SMG5: variants seen among roughly 807,000 people sequenced by gnomAD.
SMG5 encodes nonsense-mediated mRNA decay factor SMG5.
A neutral mutation model predicts 122.9 loss-of-function variants in SMG5; 53 were observed. The observed-to-expected ratio is 0.43, with a 90% CI of 0.35 to 0.54. SMG5 has a LOEUF of 0.54. Ranked by LOEUF, SMG5 falls within the 20% of genes least tolerant of loss-of-function variation. The pLI, the probability that SMG5 is intolerant of heterozygous loss-of-function variation, is 0.01. For missense variants in SMG5, 1,153 were observed against 1,285.6 expected, an observed-to-expected ratio of 0.90 and a Z score of 1.58; for synonymous variants, 477 against 490.2, an observed-to-expected ratio of 0.97 and a Z score of 0.35.
Position 156,273,723 on chromosome 1 carries a change from T to TC in SMG5, c.545-274_545-273insG, listed in dbSNP as rs1228730236. ...TTCTTTTTTTGTTTTGTTTTCTTTT[T>TC]TTTTTTTTTTTTTTTTAGAGACGGG... On this transcript the variant is annotated intron_variant, in intron 5 of 21. Transcript: ENST00000361813. 5.4e-5 allele frequency among the ~76,000 whole-genome samples: 8 copies of TC among 147,004 alleles called. No homozygotes were observed. The East Asian group carries it at 7.8e-4, about 14-fold the overall frequency.
chr1:156,285,151 G>T, upstream of SMG5: 1 of 1,492,056 alleles, frequency 6.7e-7, no homozygotes, highest in Non-Finnish European at 8.9e-7. Flanking sequence ...GAAGACAGGG[G>T]TTTCTGACAG....
chr1:156,260,993 GACAA>G (rs932184106), intron 14 of SMG5, among the ~76,000 whole-genome samples: 1 of 152,218 alleles, frequency 6.6e-6, no homozygotes, highest in Non-Finnish European at 1.5e-5. Flanking sequence ...AGATGAGCCA[GACAA>G]ACAAACTTGG....
rs558403356 is a variant in SMG5 at position 156,251,330 on chromosome 1, T to C, written c.2828+73A>G. The C allele has an allele frequency of 4.4e-5, 68 of 1,539,854 alleles. No homozygotes were observed. In the East Asian group the frequency reaches 1.4e-3, roughly 32 times the overall value. ...CCTCAGAATTATCCAGCCCTACCCG[T>C]TCTCCCTAGGAATGCTCGTGGAGGA... On this transcript the variant is annotated intron_variant, in intron 20 of 21. Coordinates refer to ENST00000361813, the MANE Select transcript of SMG5 (RefSeq NM_015327.3).
the SMG5 span, chr1:156,291,012 C>G: frequency 1.3e-5 from 3 of 229,444 alleles, no homozygotes; most frequent in South Asian, 2.4e-4. Context: ...TGGTGGCCCG[C>G]ATCTGTAATC....
intron 16 of SMG5, among the ~76,000 whole-genome samples, chr1:156,256,760 C>G (rs1277981595): frequency 6.6e-6 from 1 of 152,114 alleles, no homozygotes; most frequent in Non-Finnish European, 1.5e-5. Context: ...CCCCGCAACT[C>G]CTAGTGCCCA....
At position 156,268,313 on chromosome 1, in the gene SMG5, C is replaced by G. The variant is rs778032740; in HGVS notation, c.816G>C (p.Arg272=). The G allele has an allele frequency of 6.2e-7, 1 of 1,614,068 alleles. No individual in the cohort carries two copies. Among genetic ancestry groups the G allele is most frequent in the Non-Finnish European group, 8.5e-7 (1 of 1,180,042 alleles). The change falls in exon 8 of 22, where the codon CGG becomes CGC. Residue 272 remains arginine (R), a synonymous_variant. Transcript: ENST00000361813. ...ACCGCTTTTTGCCAGGAGACAGTTTCCGAGTCTCACACTTCTTCAGTTGGT... is the reference window on the plus strand; with the variant it reads ...ACCGCTTTTTGCCAGGAGACAGTTTGCGAGTCTCACACTTCTTCAGTTGGT... ...MYHQLKKCET[R]KLSPGKKRCK...
intron 13 of SMG5, 55 bp from the exon 14 acceptor site, chr1:156,261,463 G>A: frequency 6.8e-7 from 1 of 1,477,966 alleles, no homozygotes; most frequent in Non-Finnish European, 9.5e-7. Flanking sequence ...GTGGAGAACA[G>A]CAGTGAGCAA....
rs1278015874 is a variant in SMG5, at chr1:156,252,953, G to A, written c.2628C>T (p.Thr876=). 2 of 1,612,426 alleles carry A rather than the reference G, an allele frequency of 1.2e-6. No homozygotes were observed. The highest frequency in any genetic ancestry group is 1.7e-6 in the Non-Finnish European group (2 of 1,179,322). Residue 876 remains threonine (T), a synonymous_variant, in exon 18 of 22, where the codon ACC becomes ACT. Transcript: ENST00000361813. ...GGATGATGACAATGAAGCGGCCACTGGTGGCCAGTTGGCGGATGACAGGGA... is the reference window on the plus strand; with the variant it reads ...GGATGATGACAATGAAGCGGCCACTAGTGGCCAGTTGGCGGATGACAGGGA... The part of the protein sequence containing the change: ...HHLPVIRQLA[T]SGRFIVIIPR...
chr1:156,282,669 G>C lies in SMG5; in HGVS notation c.12C>G (p.Gly4=), dbSNP rs770659617. 3.1e-6 allele frequency: 5 copies of C among 1,604,938 alleles called. No homozygotes were observed. In the East Asian group the frequency reaches 6.7e-5, roughly 21 times the overall value. Residue 4 remains glycine, a synonymous_variant, in exon 1 of 22, where the codon GGC becomes GGG. Coordinates refer to ENST00000361813, the MANE Select transcript of SMG5 (RefSeq NM_015327.3). MSQ[G]PPTGESSEPE... ...GCTCGCTGCTCTCCCCTGTGGGGGGGCCTTGGCTCATGGTGCCCGGGTCCG... is the reference window on the plus strand; with the variant it reads ...GCTCGCTGCTCTCCCCTGTGGGGGGCCCTTGGCTCATGGTGCCCGGGTCCG...
At chr1:156,273,475 A>C in intron 5 of SMG5, 25 bp from the exon 6 acceptor site, 1 of 1,607,238 alleles carries the variant, frequency 6.2e-7, no homozygotes, top group South Asian at 1.1e-5. Flanking sequence ...AAACGAAGGG[A>C]AACTCGATGA....
At chr1:156,252,274 C>T in intron 19 of SMG5, 140 bp downstream of exon 19, 2 of 695,380 alleles carry the variant, frequency 2.9e-6, no homozygotes, top group South Asian at 1.8e-5. Flanking sequence ...TATCACTCCC[C>T]AGGCAGTGAG....
chr1:156,278,538 T>A lies in SMG5; in HGVS notation c.173+398A>T, dbSNP rs1000549210. On this transcript the variant is annotated intron_variant, in intron 2 of 21. Coordinates refer to ENST00000361813, the MANE Select transcript of SMG5 (RefSeq NM_015327.3). ...GCAGCACCATACTCAACTGATTTTT[T>A]AATTTTTTTGTGGAGACTGGGTCTT... Among the ~76,000 whole-genome samples the A allele has an allele frequency of 9.2e-5, 14 of 152,092 alleles. 1 individual carries two copies. Among genetic ancestry groups the A allele is most frequent in the African/African-American group, 3.1e-4 (13 of 41,408 alleles).
intron 2 of SMG5, 69 bp downstream of exon 2, chr1:156,278,867 C>A (rs1350895047): frequency 7.6e-7 from 1 of 1,315,326 alleles, no homozygotes; most frequent in African/African-American, 1.4e-5. Flanking sequence ...GTTTATATAT[C>A]TGAGAAGGTT....
At chr1:156,267,358 G>A (rs573809165) in intron 10 of SMG5, 112 bp downstream of exon 10, 36 of 1,072,740 alleles carry the variant, frequency 3.4e-5, no homozygotes, top group Non-Finnish European at 4.5e-5. Flanking sequence ...CAGTGACACA[G>A]GAGTGAAGAG....
At chr1:156,276,831 T>A (rs1216761419) in intron 4 of SMG5, among the ~76,000 whole-genome samples, 1 of 152,246 alleles carries the variant, frequency 6.6e-6, no homozygotes, top group African/African-American at 2.4e-5. Context: ...CACCTTCCAG[T>A]GCCAGACCTA....
At chr1:156,259,785 C>T (rs577931783) in intron 15 of SMG5, among the ~76,000 whole-genome samples, 1 of 152,256 alleles carries the variant, frequency 6.6e-6, no homozygotes, top group South Asian at 2.1e-4. Flanking sequence ...CTGCCTTGGC[C>T]CCCAACCAAG....
At chr1:156,263,652 G>T in intron 12 of SMG5, 82 bp from the exon 13 acceptor site, 1 of 1,465,212 alleles carries the variant, frequency 6.8e-7, no homozygotes, top group Non-Finnish European at 9.2e-7. Context: ...TGTGCAGGGA[G>T]CATGCTTCCA....
In SMG5 at chr1:156,266,546, C is replaced by T; in HGVS notation, c.1250G>A (p.Gly417Asp). The change falls in exon 11 of 22, where the codon GGC becomes GAC. Residue 417 changes from glycine to aspartate, a missense_variant. Physicochemically the swap from Gly to Asp is moderately conservative, Grantham distance 94 (BLOSUM62 -1). Transcript: ENST00000361813. ...ENPVPAFQSDGTDEPESKEPV... is the reference protein window; with the variant it reads ...ENPVPAFQSDDTDEPESKEPV... ...GACCTCCCCGATTCTCCCACCTGTG[C>T]CATCACTCTGGAATGCCGGGACGGG... The T allele has an allele frequency of 6.2e-7, 1 of 1,614,174 alleles. No homozygotes were observed. The highest frequency in any genetic ancestry group is 8.5e-7 in the Non-Finnish European group (1 of 1,180,028).
chr1:156,281,254 G>T (rs1662921196), intron 1 of SMG5, among the ~76,000 whole-genome samples: 1 of 152,196 alleles, frequency 6.6e-6, no homozygotes, highest in Non-Finnish European at 1.5e-5. Context: ...CATCAGCTTA[G>T]GTTAGTCCTG....
Sources: gnomAD v4.1 joint callset for allele counts (sites outside exome capture counted in the v4.1 genomes callset) on GRCh38, gnomAD v4.1.1 for gene constraint, MANE v1.5 for transcripts, NCBI Gene and HGNC (gene_info 2026-07-23, HGNC 2026-07-21) for gene names.